ATP11B: variants seen among roughly 807,000 people sequenced by gnomAD.
ATP11B encodes ATPase phospholipid transporting 11B (putative), also known as phospholipid-transporting ATPase IF.
Under a neutral mutation model 157.8 loss-of-function variants are expected in ATP11B, and 81 were observed. That is an observed-to-expected ratio of 0.51 (90% CI 0.43 to 0.62). The LOEUF (loss-of-function observed/expected upper bound fraction) is 0.62, where lower values mean the gene tolerates loss of function less well. Ranked by LOEUF, ATP11B falls within the 20% of genes least tolerant of loss-of-function variation. The probability of loss-of-function intolerance (pLI) is 0.00; values close to 1 mark genes in which losing one functional copy is unlikely to be tolerated. For synonymous variants in ATP11B, 451 were observed against 469.4 expected, an observed-to-expected ratio of 0.96 and a Z score of 0.51; for missense variants, 1,165 against 1,402.2, an observed-to-expected ratio of 0.83 and a Z score of 2.70.
intron 17 of ATP11B, among the ~76,000 whole-genome samples, chr3:182,871,617 G>A (rs762582756): frequency 3.9e-5 from 6 of 152,084 alleles, no homozygotes; most frequent in Non-Finnish European, 7.4e-5. Context: ...AAAATTGTAC[G>A]AAGTAGGTAA....
chr3:182,822,998 T>C (rs1215583947), intron 2 of ATP11B, among the ~76,000 whole-genome samples: 2 of 152,258 alleles, frequency 1.3e-5, no homozygotes, highest in Non-Finnish European at 2.9e-5. Context: ...AAGTTCTTTG[T>C]AGATTCTGGA....
intron 8 of ATP11B, among the ~76,000 whole-genome samples, chr3:182,842,984 A>G (rs1448233043): frequency 6.6e-6 from 1 of 152,196 alleles, no homozygotes; most frequent in Non-Finnish European, 1.5e-5. Flanking sequence ...CTCAGATTCC[A>G]AAAGCAGCTG....
At chr3:182,843,810 T>G (rs1719247171) in intron 8 of ATP11B, 1 of 152,198 alleles carries the variant, frequency 6.6e-6, no homozygotes, top group African/African-American at 2.4e-5. Flanking sequence ...CAGAAAGAGT[T>G]GAGCATTTTT....
chr3:182,864,471 T>G (rs1721082158), intron 12 of ATP11B, among the ~76,000 whole-genome samples: 3 of 152,122 alleles, frequency 2.0e-5, no homozygotes, highest in Non-Finnish European at 4.4e-5. Context: ...GGGTATTGGA[T>G]TTTTATCAAA....
intron 14 of ATP11B, among the ~76,000 whole-genome samples, 196 bp downstream of exon 14, chr3:182,866,639 T>A (rs1387907536): frequency 6.8e-6 from 1 of 147,970 alleles, no homozygotes; most frequent in East Asian, 1.9e-4. Flanking sequence ...AAGCTTGCAT[T>A]GAGTCTTTTT....
chr3:182,892,977 A>G (rs552978947), intron 25 of ATP11B, among the ~76,000 whole-genome samples: 1 of 152,342 alleles, frequency 6.6e-6, no homozygotes, highest in African/African-American at 2.4e-5. Context: ...TTTTTCCTAA[A>G]TAGTAGAAGA....
At chr3:182,842,202 T>C in intron 8 of ATP11B, 80 bp downstream of exon 8, 1 of 993,468 alleles carries the variant, frequency 1.0e-6, no homozygotes, top group Non-Finnish European at 1.6e-6. Context: ...AAAGGGAGAT[T>C]ATGTAAATAA....
intron 7 of ATP11B, among the ~76,000 whole-genome samples, chr3:182,838,497 ATG>A (rs1394739358): frequency 1.3e-5 from 2 of 152,098 alleles, no homozygotes; most frequent in Non-Finnish European, 2.9e-5. Flanking sequence ...TATTGGAAGT[ATG>A]TGTTTTGTTT....
At chr3:182,877,018 T>C (rs891297871) in intron 19 of ATP11B, among the ~76,000 whole-genome samples, 1 of 152,222 alleles carries the variant, frequency 6.6e-6, no homozygotes, top group African/African-American at 2.4e-5. Context: ...TTCATGCCTT[T>C]GAAAGCTTTA....
At position 182,800,796 on chromosome 3, in the gene ATP11B, T is replaced by C. The variant is rs551648246; in HGVS notation, c.27+7010T>C. On this transcript the variant is annotated intron_variant, in intron 1 of 29. Transcript: ENST00000323116. ...GGCAAATTCTTTTGATTTTTTTTTT[T>C]TTTTAAGACAGTCTCGCTTTGTCAC... Among the ~76,000 whole-genome samples, 5 of 151,854 alleles carry C rather than the reference T, an allele frequency of 3.3e-5. No individual in the cohort carries two copies. The East Asian group carries it at 9.7e-4, about 29-fold the overall frequency.
At chr3:182,808,068 G>A (rs951879545) in intron 1 of ATP11B, among the ~76,000 whole-genome samples, 2 of 152,104 alleles carry the variant, frequency 1.3e-5, no homozygotes, top group Non-Finnish European at 2.9e-5. Flanking sequence ...TGTAATTGGC[G>A]GATAAAGCTT....
At chr3:182,874,078 C>G (rs555153316) in intron 19 of ATP11B, 63 bp downstream of exon 19, 7 of 1,440,106 alleles carry the variant, frequency 4.9e-6, no homozygotes, top group Non-Finnish European at 5.7e-6. Flanking sequence ...TCCCTGGGCC[C>G]GATGATATAG....
At chr3:182,817,408 A>G (rs1286101368) in intron 1 of ATP11B, among the ~76,000 whole-genome samples, 1 of 151,902 alleles carries the variant, frequency 6.6e-6, no homozygotes, top group Non-Finnish European at 1.5e-5. Flanking sequence ...AGCCTCCCAA[A>G]TAGCTGGGAC....
At chr3:182,808,605 T>C (rs978143307) in intron 1 of ATP11B, among the ~76,000 whole-genome samples, 1 of 152,128 alleles carries the variant, frequency 6.6e-6, no homozygotes, top group East Asian at 1.9e-4. Flanking sequence ...TGATGTTTCA[T>C]GTAGATTGAG....
intron 7 of ATP11B, among the ~76,000 whole-genome samples, chr3:182,841,455 G>A (rs1719015465): frequency 6.6e-6 from 1 of 152,058 alleles, no homozygotes; most frequent in South Asian, 2.1e-4. Context: ...TATACCCTTT[G>A]ATTGAATTAC....
chr3:182,841,977 C>CA (rs11401208), intron 7 of ATP11B, 98 bp from the exon 8 acceptor site: 146,084 of 360,288 alleles, frequency 0.41, 18,436 homozygotes, highest in African/African-American at 0.43. Context: ...AGACTCGTCT[C>CA]AAAAAAAAAA....
chr3:182,882,183 G>T (rs1489721949), intron 21 of ATP11B, among the ~76,000 whole-genome samples: 1 of 152,076 alleles, frequency 6.6e-6, no homozygotes, highest in Non-Finnish European at 1.5e-5. Context: ...GATATTTTCT[G>T]TGTGCCTCTT....
At chr3:182,832,767 T>G (rs1718249278) in intron 4 of ATP11B, among the ~76,000 whole-genome samples, 1 of 152,112 alleles carries the variant, frequency 6.6e-6, no homozygotes, top group African/African-American at 2.4e-5. Context: ...AATAAGATAG[T>G]CTTTGCCCTC....
At chr3:182,856,095 C>T (rs751226138) in intron 10 of ATP11B, among the ~76,000 whole-genome samples, 2 of 152,114 alleles carry the variant, frequency 1.3e-5, no homozygotes, top group Non-Finnish European at 2.9e-5. Context: ...TACATAGCCA[C>T]TTTATTTGTT....
Sources: allele counts gnomAD v4.1 joint callset (sites outside exome capture counted in the v4.1 genomes callset), GRCh38; gene constraint gnomAD v4.1.1; transcripts MANE v1.5; gene names NCBI Gene and HGNC (gene_info 2026-07-23, HGNC 2026-07-21).